Variants in ENSA observed in about 807,000 individuals in gnomAD.
ENSA encodes the protein endosulfine alpha, also known as alpha-endosulfine.
ENSA carries 7 observed loss-of-function variants against 16.8 expected under a neutral mutation model. That is an observed-to-expected ratio of 0.42 (90% confidence interval 0.24 to 0.78). The LOEUF is 0.78. ENSA is among the 30% of genes least tolerant of loss of function. The pLI, the probability that ENSA is intolerant of heterozygous loss-of-function variation, is 0.29. For missense variants in ENSA, 87 were observed against 142.3 expected, an observed-to-expected ratio of 0.61 and a Z score of 1.98; for synonymous variants, 58 against 53.4, an observed-to-expected ratio of 1.09 and a Z score of -0.37.
Position 150,629,505 on chromosome 1 carries a change from G to A in ENSA, c.-35C>T. The A allele has an allele frequency of 6.2e-7, 1 of 1,602,700 alleles. No individual in the cohort carries two copies. The highest frequency in any genetic ancestry group is 1.1e-5 in the South Asian group (1 of 89,920). On this transcript the variant is annotated 5_prime_UTR_variant, in exon 1 of 4. Coordinates refer to ENST00000369014, the MANE Select transcript of ENSA (RefSeq NM_004436.4). Reference sequence around the variant, plus strand: ...GGGACTGTGGAGTGTAAGGGGCCCGGGAAGGCAACCGGAGAAGGGAAGGGG... The same window carrying A: ...GGGACTGTGGAGTGTAAGGGGCCCGAGAAGGCAACCGGAGAAGGGAAGGGG...
intron 3 of ENSA, chr1:150,624,940 C>A: frequency 1.0e-6 from 1 of 983,028 alleles, no homozygotes; most frequent in Non-Finnish European, 1.2e-6. Flanking sequence ...TATCTTGACT[C>A]CTAAACCAGT....
At chr1:150,625,225 T>C in intron 3 of ENSA, 1 of 988,584 alleles carries the variant, frequency 1.0e-6, no homozygotes, top group Non-Finnish European at 1.2e-6. Flanking sequence ...AGAAAACATG[T>C]CTCATTCAAT....
chr1:150,624,192 T>C (rs1649150367), intron 3 of ENSA: 2 of 985,510 alleles, frequency 2.0e-6, no homozygotes, highest in African/African-American at 3.5e-5. Flanking sequence ...TGAGTCAGCA[T>C]GGCTACCTCT....
At chr1:150,629,052 G>A (rs745403609) in intron 1 of ENSA, 2 of 1,613,980 alleles carry the variant, frequency 1.2e-6, no homozygotes, top group Non-Finnish European at 1.7e-6. Context: ...CGGTTGCTGG[G>A]TCACTTACCT....
chr1:150,627,631 A>C (rs1161681586), intron 1 of ENSA, 39 bp from the exon 2 acceptor site: 2 of 1,577,964 alleles, frequency 1.3e-6, no homozygotes, highest in African/African-American at 2.7e-5. Context: ...TTAAAGACTG[A>C]GAAACAACAG....
At chr1:150,629,318 C>A in intron 1 of ENSA, 96 bp downstream of exon 1, 2 of 1,552,384 alleles carry the variant, frequency 1.3e-6, no homozygotes, top group Non-Finnish European at 1.7e-6. Flanking sequence ...CCCTGCGGAG[C>A]CTGAGACCAT....
chr1:150,626,362 G>GT, intron 2 of ENSA: 1 of 930,410 alleles, frequency 1.1e-6, no homozygotes, highest in Non-Finnish European at 1.7e-6. Flanking sequence ...TTCCATGACT[G>GT]TGACAGCCTG....
chr1:150,629,198 T>C lies in ENSA; in HGVS notation c.57+216A>G, dbSNP rs939701449. Reference sequence around the variant, plus strand: ...GTCCAAGGTTTGAGCGGTAGGCCTATTGGCCAATCAGGAAGAGTACAGTAC... The same window carrying C: ...GTCCAAGGTTTGAGCGGTAGGCCTACTGGCCAATCAGGAAGAGTACAGTAC... On this transcript the variant is annotated intron_variant, in intron 1 of 3. Coordinates refer to ENST00000369014, the MANE Select transcript of ENSA (RefSeq NM_004436.4). 3.1e-6 allele frequency: 5 copies of C among 1,603,934 alleles called. No individual in the cohort carries two copies. The South Asian group carries it at 3.3e-5, about 11-fold the overall frequency.
intron 1 of ENSA, 55 bp downstream of exon 1, chr1:150,629,359 C>A (rs373509426): frequency 1.9e-6 from 3 of 1,593,948 alleles, no homozygotes; most frequent in African/African-American, 1.3e-5. Flanking sequence ...GGGAGACCGT[C>A]TCCCGCCCCA....
At chr1:150,627,115 A>C in intron 2 of ENSA, 1 of 1,410,528 alleles carries the variant, frequency 7.1e-7, no homozygotes, top group Non-Finnish European at 9.2e-7. Context: ...GATGCATCCC[A>C]AAATTTATCT....
chr1:150,624,046 C>A (rs1649141746), intron 3 of ENSA: 1 of 985,334 alleles, frequency 1.0e-6, no homozygotes. Context: ...CAGAATCTTG[C>A]TCTCTTGAGC....
intron 3 of ENSA, chr1:150,625,357 T>C: frequency 9.0e-7 from 1 of 1,108,840 alleles, no homozygotes; most frequent in Non-Finnish European, 1.1e-6. Flanking sequence ...ATCTCTCCAG[T>C]TTCTCACACA....
chr1:150,624,092 G>C, intron 3 of ENSA: 3 of 985,390 alleles, frequency 3.0e-6, no homozygotes, highest in Non-Finnish European at 3.6e-6. Context: ...GTCATAACTA[G>C]CAAGTTGCGT....
Position 150,625,743 on chromosome 1 carries a change from T to A in ENSA, c.249A>T (p.Pro83=). 3 of 1,612,156 alleles carry A rather than the reference T, an allele frequency of 1.9e-6. No individual in the cohort carries two copies. The highest frequency in any genetic ancestry group is 2.5e-6 in the Non-Finnish European group (3 of 1,179,138). ...AKAKMKNKQL[P]SAGPDKNLVT... is the part of the protein sequence containing the mutation. ...CCAGGTTCTTGTCTGGTCCTGCACT[T>A]GGCAGCTGCTTATTCTTCATCTTGG... is the stretch of plus-strand genomic sequence containing the variant. Residue 83 remains proline, a synonymous_variant, in exon 3 of 4, where the codon CCA becomes CCT. Coordinates refer to ENST00000369014, the MANE Select transcript of ENSA (RefSeq NM_004436.4).
At position 150,625,842 on chromosome 1, in the gene ENSA, G is replaced by A. The variant is rs587668355; in HGVS notation, c.184-34C>T. 86 of 1,536,654 alleles carry A rather than the reference G, an allele frequency of 5.6e-5. 1 individual carries two copies. The South Asian group carries it at 6.8e-4, about 12-fold the overall frequency. On this transcript the variant is annotated intron_variant, in intron 2 of 3. Coordinates refer to ENST00000369014, the MANE Select transcript of ENSA (RefSeq NM_004436.4). The stretch of plus-strand genomic sequence containing the variant: ...TAAGAGGGAGGTTTAGGTGAGTGAG[G>A]ACTCTGGCCTTCCTCAAAAACAAGG...
At chr1:150,628,671 C>T (rs1649521099) in intron 1 of ENSA, among the ~76,000 whole-genome samples, 1 of 152,102 alleles carries the variant, frequency 6.6e-6, no homozygotes, top group African/African-American at 2.4e-5. Context: ...TTTTAAAAGT[C>T]AAATACAAAC....
At chr1:150,626,529 A>G (rs377107762) in intron 2 of ENSA, 3 of 1,612,994 alleles carry the variant, frequency 1.9e-6, no homozygotes, top group African/African-American at 1.3e-5. Flanking sequence ...TTATAATCCT[A>G]CAGTCATTGC....
Position 150,628,977 on chromosome 1 carries a change from G to A in ENSA, c.57+437C>T, listed in dbSNP as rs1248211799. 13 of 1,461,212 alleles carry A rather than the reference G, an allele frequency of 8.9e-6. 1 individual carries two copies. In the South Asian group the frequency reaches 1.5e-4, roughly 17 times the overall value. 90.5% of individuals were successfully genotyped at this position (1,461,212 alleles called of 1,614,324 possible). A position where few individuals can be genotyped will look rare whatever the true frequency, so the allele number is the denominator to read the frequency against. On this transcript the variant is annotated intron_variant, in intron 1 of 3. Coordinates refer to ENST00000369014, the MANE Select transcript of ENSA (RefSeq NM_004436.4). ...TACACTTCTCCCCTCCCCCAATACT[G>A]GTTTTTTTTTAAACGTCTTTACCTC...
chr1:150,623,857 C>T, intron 3 of ENSA: 1 of 985,698 alleles, frequency 1.0e-6, no homozygotes. Context: ...TCCATTCCTT[C>T]CTCACCAACT....
Sources: allele counts gnomAD v4.1 joint callset (sites outside exome capture counted in the v4.1 genomes callset), GRCh38; gene constraint gnomAD v4.1.1; transcripts MANE v1.5; gene names NCBI Gene and HGNC (gene_info 2026-07-23, HGNC 2026-07-21).